The following CDIN1 variants were observed in gnomAD, a reference collection of about 807,000 sequenced individuals.
The protein encoded by CDIN1 is CDAN1 interacting nuclease 1.
A neutral mutation model predicts 45.3 loss-of-function variants in CDIN1; 33 were observed. The observed-to-expected ratio is 0.73, with a 90% CI of 0.55 to 0.97. The LOEUF is 0.97. Among genes scored for constraint, CDIN1 ranks in the 50% least tolerant of loss-of-function variants. The probability of loss-of-function intolerance (pLI) is 0.00; values close to 1 mark genes in which losing one functional copy is unlikely to be tolerated. For missense variants in CDIN1, 303 were observed against 339.4 expected (o/e 0.89, Z 0.84); for synonymous variants, 118 against 124.4 (o/e 0.95, Z 0.34).
At chr15:36,799,875 C>T (rs188208128) in intron 10 of CDIN1, 1 of 152,288 alleles carries the variant, frequency 6.6e-6, no homozygotes, top group East Asian at 1.9e-4. Flanking sequence ...AAAATCACTT[C>T]TGCCTTTGTT....
intron 1 of CDIN1, among the ~76,000 whole-genome samples, chr15:36,593,733 T>G (rs1372526196): frequency 1.3e-5 from 2 of 152,028 alleles, no homozygotes; most frequent in Non-Finnish European, 2.9e-5. Context: ...CCGGCTAATT[T>G]TTTTGTATTT....
intron 1 of CDIN1, among the ~76,000 whole-genome samples, chr15:36,601,232 A>G (rs981480857): frequency 6.6e-6 from 1 of 152,154 alleles, no homozygotes; most frequent in African/African-American, 2.4e-5. Flanking sequence ...TAACTGTCCT[A>G]CCCTTCAGCA....
chr15:36,767,066 C>G lies in CDIN1; in HGVS notation c.717-41258C>G, dbSNP rs2053945006. ...GCTTTCTTCTAAGGGTTTTACAGTT[C>G]AGGTCTTATATATGTTTTTAATTCA... On this transcript the variant is annotated intron_variant, in intron 10 of 10. Transcript: ENST00000566621. 2.0e-5 allele frequency among the ~76,000 whole-genome samples: 3 copies of G among 152,102 alleles called. No individual in the cohort carries two copies. The South Asian group carries it at 6.2e-4, about 32-fold the overall frequency.
rs547218075 is a variant in CDIN1, at chr15:36,622,293, TGAG to T, written c.102-21983_102-21981del. Among the ~76,000 whole-genome samples the T allele has an allele frequency of 5.3e-5, 8 of 151,946 alleles. No individual in the cohort carries two copies. In the East Asian group the frequency reaches 1.6e-3, roughly 30 times the overall value. On this transcript the variant is annotated intron_variant, in intron 1 of 10. Coordinates refer to ENST00000566621, the MANE Select transcript of CDIN1 (RefSeq NM_001321759.2). ...GTGACCCAGTTTTTCTCATCGGGCTTGAGGGAGGGGTGGGGACAGTTGGATCTG... is the reference window on the plus strand; with the variant it reads ...GTGACCCAGTTTTTCTCATCGGGCTTGGAGGGGTGGGGACAGTTGGATCTG...
intron 10 of CDIN1, among the ~76,000 whole-genome samples, chr15:36,776,163 A>G (rs2054212032): frequency 1.3e-5 from 2 of 152,248 alleles, no homozygotes; most frequent in Admixed American, 1.3e-4. Flanking sequence ...TTTTTCAAGT[A>G]CGACCCATTC....
chr15:36,587,612 G>T (rs1365310768), intron 1 of CDIN1, among the ~76,000 whole-genome samples: 1 of 151,932 alleles, frequency 6.6e-6, no homozygotes, highest in Non-Finnish European at 1.5e-5. Context: ...CATTGGTTAT[G>T]GTTGTCTTTT....
At chr15:36,755,013 A>G (rs2053572700) in intron 10 of CDIN1, among the ~76,000 whole-genome samples, 1 of 152,136 alleles carries the variant, frequency 6.6e-6, no homozygotes, top group Non-Finnish European at 1.5e-5. Flanking sequence ...GTGTTTTGCA[A>G]TTCTAATCTT....
intron 10 of CDIN1, among the ~76,000 whole-genome samples, chr15:36,771,200 C>A (rs1257208858): frequency 6.6e-6 from 1 of 151,674 alleles, no homozygotes; most frequent in Non-Finnish European, 1.5e-5. Flanking sequence ...ATTGTATACC[C>A]CAAGGGTGGA....
chr15:36,602,962 T>G (rs1019271054), intron 1 of CDIN1, among the ~76,000 whole-genome samples: 10 of 151,260 alleles, frequency 6.6e-5, no homozygotes, highest in African/African-American at 2.4e-4. Flanking sequence ...CACTCCAGCC[T>G]GGGTGACAGA....
At chr15:36,668,729 G>C (rs1042601137) in intron 5 of CDIN1, among the ~76,000 whole-genome samples, 1 of 151,960 alleles carries the variant, frequency 6.6e-6, no homozygotes, top group Non-Finnish European at 1.5e-5. Context: ...ATTATCATTG[G>C]TGCATATTTC....
intron 1 of CDIN1, among the ~76,000 whole-genome samples, chr15:36,644,015 T>C (rs1260886367): frequency 6.6e-6 from 1 of 152,234 alleles, no homozygotes; most frequent in Non-Finnish European, 1.5e-5. Flanking sequence ...TGATTTACAA[T>C]GATTCTAAAG....
At chr15:36,623,191 C>A (rs937997931) in intron 1 of CDIN1, among the ~76,000 whole-genome samples, 1 of 151,688 alleles carries the variant, frequency 6.6e-6, no homozygotes, top group East Asian at 1.9e-4. Context: ...GTATATATGC[C>A]AAGGGAAATG....
chr15:36,703,351 C>T (rs28496804), intron 8 of CDIN1, among the ~76,000 whole-genome samples: 5,568 of 50,170 alleles, frequency 0.11, 471 homozygotes, highest in African/African-American at 0.18. Context: ...CAGATATATA[C>T]ATATATCAGA....
intron 1 of CDIN1, among the ~76,000 whole-genome samples, chr15:36,583,645 C>T (rs2037149553): frequency 6.6e-6 from 1 of 152,172 alleles, no homozygotes; most frequent in Non-Finnish European, 1.5e-5. Flanking sequence ...AGCAATTTTA[C>T]CATATGCTAA....
intron 7 of CDIN1, among the ~76,000 whole-genome samples, chr15:36,695,962 A>G (rs1284470455): frequency 6.6e-6 from 1 of 152,278 alleles, no homozygotes; most frequent in Admixed American, 6.5e-5. Flanking sequence ...AATATTAGCT[A>G]TTATCAATTA....
chr15:36,694,903 A>G (rs2042371156), intron 7 of CDIN1, among the ~76,000 whole-genome samples: 1 of 152,272 alleles, frequency 6.6e-6, no homozygotes, highest in Non-Finnish European at 1.5e-5. Flanking sequence ...ATTTAGTTCT[A>G]AAGTGTGGGA....
intron 10 of CDIN1, among the ~76,000 whole-genome samples, chr15:36,806,418 G>T (rs956394015): frequency 6.6e-6 from 1 of 152,146 alleles, no homozygotes; most frequent in African/African-American, 2.4e-5. Flanking sequence ...TACTGGGCTT[G>T]TTTTTTATGA....
At chr15:36,633,568 C>G (rs1372041385) in intron 1 of CDIN1, among the ~76,000 whole-genome samples, 1 of 152,050 alleles carries the variant, frequency 6.6e-6, no homozygotes, top group East Asian at 1.9e-4. Flanking sequence ...AGCATAAGTT[C>G]CCCACTTGTT....
At chr15:36,755,109 T>C (rs2053575285) in intron 10 of CDIN1, among the ~76,000 whole-genome samples, 1 of 152,210 alleles carries the variant, frequency 6.6e-6, no homozygotes, top group Admixed American at 6.5e-5. Flanking sequence ...CACATTTGCA[T>C]GATGACAGCC....
Sources: allele counts gnomAD v4.1 joint callset (sites outside exome capture counted in the v4.1 genomes callset), GRCh38; gene constraint gnomAD v4.1.1; transcripts MANE v1.5; gene names NCBI Gene and HGNC (gene_info 2026-07-23, HGNC 2026-07-21).